Variants in FTCDNL1 observed in about 807,000 individuals in gnomAD.
The protein encoded by FTCDNL1 is formiminotransferase N-terminal subdomain-containing protein.
A neutral mutation model predicts 5.9 loss-of-function variants in FTCDNL1; 11 were observed. The ratio of observed to expected loss-of-function variants is 1.87; its 90% CI spans 1.18 to 3.10. The LOEUF (loss-of-function observed/expected upper bound fraction) is 3.10. FTCDNL1 is among the 30% of genes most tolerant of loss of function. FTCDNL1 has a pLI of 0.00. For missense variants in FTCDNL1, 115 were observed against 65.5 expected (o/e 1.76, Z -2.61); for synonymous variants, 58 against 24.8 (o/e 2.34, Z -3.99).
At chr2:199,781,793 GTTTT>G (rs2106328362) in intron 3 of FTCDNL1, among the ~76,000 whole-genome samples, 1 of 127,980 alleles carries the variant, frequency 7.8e-6, no homozygotes, top group African/African-American at 2.7e-5. Context: ...TTGTTTGTTT[GTTTT>G]GAGAAGGAGT....
At chr2:199,758,200 G>A (rs896044151), downstream of FTCDNL1, among the ~76,000 whole-genome samples, 12 of 151,790 alleles carry the variant, frequency 7.9e-5, no homozygotes, top group Admixed American at 2.6e-4. Context: ...TAATAACTAC[G>A]TTGTATAGAG....
chr2:199,758,558 C>T (rs1698149389), downstream of FTCDNL1, among the ~76,000 whole-genome samples: 1 of 152,002 alleles, frequency 6.6e-6, no homozygotes, highest in Non-Finnish European at 1.5e-5. Context: ...TCTTAGTATC[C>T]ATAAATTTAA....
At chr2:199,816,072 T>G (rs1184743349) in intron 4 of FTCDNL1, among the ~76,000 whole-genome samples, 2 of 152,184 alleles carry the variant, frequency 1.3e-5, no homozygotes, top group Admixed American at 1.3e-4. Flanking sequence ...GAAGAATATG[T>G]GCAATTAAGG....
chr2:199,700,183 A>T, the FTCDNL1 span, among the ~76,000 whole-genome samples: 1 of 152,230 alleles, frequency 6.6e-6, no homozygotes, highest in African/African-American at 2.4e-5. Context: ...CCTAGATCTG[A>T]TAAACAATTT....
intron 3 of FTCDNL1, among the ~76,000 whole-genome samples, chr2:199,820,395 G>A (rs1701609446): frequency 1.3e-5 from 2 of 152,098 alleles, no homozygotes; most frequent in Non-Finnish European, 2.9e-5. Flanking sequence ...AGTGAAGCCA[G>A]GAGTTTGAGA....
chr2:199,803,350 C>G (rs1166487329), intron 3 of FTCDNL1, among the ~76,000 whole-genome samples: 1 of 152,040 alleles, frequency 6.6e-6, no homozygotes, highest in Non-Finnish European at 1.5e-5. Flanking sequence ...ACTGGATGTA[C>G]AATTTCGAAC....
chr2:199,757,145 A>G (rs1315948411), downstream of FTCDNL1, among the ~76,000 whole-genome samples: 1 of 152,232 alleles, frequency 6.6e-6, no homozygotes, highest in East Asian at 1.9e-4. Context: ...TTTGTGCCTA[A>G]AAGGAAGGAA....
chr2:199,676,010 C>A, the FTCDNL1 span, among the ~76,000 whole-genome samples: 4 of 152,178 alleles, frequency 2.6e-5, no homozygotes, highest in African/African-American at 7.2e-5. Flanking sequence ...CCTTAGCATC[C>A]CAACGTGCTG....
At chr2:199,744,481 G>A in the FTCDNL1 span, among the ~76,000 whole-genome samples, 1 of 152,008 alleles carries the variant, frequency 6.6e-6, no homozygotes, top group Non-Finnish European at 1.5e-5. Flanking sequence ...GAGAGAAAAG[G>A]CCATGTGAGG....
At chr2:199,805,090 A>G (rs1700655779), downstream of FTCDNL1, among the ~76,000 whole-genome samples, 1 of 152,022 alleles carries the variant, frequency 6.6e-6, no homozygotes, top group Admixed American at 6.6e-5. Flanking sequence ...GGGTGGGGAG[A>G]AAGAACAGCT....
chr2:199,727,689 G>A, the FTCDNL1 span, among the ~76,000 whole-genome samples: 18 of 151,760 alleles, frequency 1.2e-4, no homozygotes, highest in Admixed American at 1.2e-3. Context: ...CCACAGACTG[G>A]AGCTGCTTCT....
chr2:199,820,577 C>G (rs1701620596), intron 3 of FTCDNL1, among the ~76,000 whole-genome samples: 1 of 152,182 alleles, frequency 6.6e-6, no homozygotes. Flanking sequence ...ATTTCCATCG[C>G]CACAGAAAGT....
At chr2:199,755,219 G>A in the FTCDNL1 span, among the ~76,000 whole-genome samples, 2 of 152,230 alleles carry the variant, frequency 1.3e-5, no homozygotes, top group Non-Finnish European at 2.9e-5. Context: ...TCTGATGCCT[G>A]TATCCCCTTC....
chr2:199,795,746 G>A (rs983277785), intron 3 of FTCDNL1, among the ~76,000 whole-genome samples: 1 of 152,208 alleles, frequency 6.6e-6, no homozygotes, highest in Non-Finnish European at 1.5e-5. Flanking sequence ...TCAAGGAGCA[G>A]GGGGGCCCTC....
the FTCDNL1 span, among the ~76,000 whole-genome samples, chr2:199,744,217 A>G: frequency 6.6e-6 from 1 of 152,200 alleles, no homozygotes; most frequent in Non-Finnish European, 1.5e-5. Flanking sequence ...TGGACTCTTT[A>G]AGCCCCTGCT....
chr2:199,760,700 A>C, exon 4 of FTCDNL1: 2 of 659,452 alleles, frequency 3.0e-6, no homozygotes, highest in Non-Finnish European at 2.8e-6. Context: ...TTTTAAAAAG[A>C]ATTAAATGGT....
chr2:199,750,970 T>C, the FTCDNL1 span, among the ~76,000 whole-genome samples: 3 of 152,242 alleles, frequency 2.0e-5, no homozygotes, highest in Non-Finnish European at 4.4e-5. Context: ...AGCGGGGGCT[T>C]TGACTTGCCA....
At chr2:199,714,263 CAA>C in the FTCDNL1 span, among the ~76,000 whole-genome samples, 1 of 151,692 alleles carries the variant, frequency 6.6e-6, no homozygotes, top group Non-Finnish European at 1.5e-5. Context: ...ACATGAGAGT[CAA>C]AAGACAGTGA....
the FTCDNL1 span, among the ~76,000 whole-genome samples, chr2:199,684,060 G>A: frequency 7.9e-5 from 12 of 152,230 alleles, no homozygotes; most frequent in Admixed American, 7.8e-4. Context: ...TAATTAGGAT[G>A]ATGATGGGTA....
Sources: gnomAD v4.1 joint callset for allele counts (sites outside exome capture counted in the v4.1 genomes callset) on GRCh38, gnomAD v4.1.1 for gene constraint, MANE v1.5 for transcripts, NCBI Gene and HGNC (gene_info 2026-07-23, HGNC 2026-07-21) for gene names.